CREB3L2: variants seen among roughly 807,000 people sequenced by gnomAD.
The protein encoded by CREB3L2 is cyclic AMP-responsive element-binding protein 3-like protein 2.
CREB3L2 carries 23 observed loss-of-function variants against 57.2 expected under a neutral mutation model. The observed-to-expected ratio is 0.40, with a 90% CI of 0.29 to 0.57. CREB3L2 has a LOEUF of 0.57. CREB3L2 is among the 20% of genes least tolerant of loss of function. CREB3L2 has a pLI of 0.42. For synonymous variants in CREB3L2, 268 were observed against 265.1 expected (o/e 1.01, Z -0.11); for missense variants, 628 against 634.7 (o/e 0.99, Z 0.11).
chr7:137,910,143 T>C (rs570223479), intron 4 of CREB3L2, among the ~76,000 whole-genome samples: 2 of 152,096 alleles, frequency 1.3e-5, no homozygotes, highest in Non-Finnish European at 2.9e-5. Flanking sequence ...TCAGCATCTC[T>C]CTCCTGCAGG....
In CREB3L2 at chr7:137,876,757, A is replaced by G; in HGVS notation, c.*3719T>C. ...AGCAAGCAGAAGTGCTGGTGTCTTT[A>G]ACCCAGGTTTCTTAAAGACTGGCTT... On this transcript the variant is annotated 3_prime_UTR_variant, in exon 12 of 12. Coordinates refer to ENST00000330387, the MANE Select transcript of CREB3L2 (RefSeq NM_194071.4). 4.3e-6 allele frequency: 1 copy of G among 232,310 alleles called. No individual in the cohort carries two copies. The highest frequency in any genetic ancestry group is 6.1e-5 in the East Asian group (1 of 16,432). 14.4% of individuals were successfully genotyped at this position (232,310 alleles called of 1,614,324 possible). A position where few individuals can be genotyped will look rare whatever the true frequency, so the allele number is the denominator to read the frequency against.
At chr7:137,982,069 T>A (rs1164040000) in intron 1 of CREB3L2, among the ~76,000 whole-genome samples, 1 of 152,168 alleles carries the variant, frequency 6.6e-6, no homozygotes, top group Non-Finnish European at 1.5e-5. Context: ...TGGACACCAG[T>A]GTGCACAGAC....
In CREB3L2 at chr7:137,877,372, G is replaced by C. The variant is rs1361523646; in HGVS notation, c.*3104C>G. The C allele has an allele frequency of 4.4e-6, 1 of 226,276 alleles. No individual in the cohort carries two copies. Among genetic ancestry groups the C allele is most frequent in the Non-Finnish European group, 8.8e-6 (1 of 113,790 alleles). The allele number at this position is 226,276 out of a possible 1,614,324, so 14.0% of individuals were successfully genotyped here. A position where few individuals can be genotyped will look rare whatever the true frequency, so the allele number is the denominator to read the frequency against. ...AAAAGAGCAACCTAGTTCAGCTGTC[G>C]GATTTTTATATAACACTCTCTTTAT... On this transcript the variant is annotated 3_prime_UTR_variant, in exon 12 of 12. Coordinates refer to ENST00000330387, the MANE Select transcript of CREB3L2 (RefSeq NM_194071.4).
intron 3 of CREB3L2, 56 bp from the exon 4 acceptor site, chr7:137,913,134 C>G (rs1312043506): frequency 5.8e-6 from 9 of 1,547,466 alleles, no homozygotes; most frequent in Non-Finnish European, 7.0e-6. Context: ...CTTGAAGACA[C>G]ATGCAGGAGA....
Position 137,885,426 on chromosome 7 carries a change from T to C in CREB3L2, c.1120A>G (p.Thr374Ala). Residue 374 changes from threonine to alanine, a missense_variant, in exon 9 of 12, where the codon ACG (threonine) becomes GCG (alanine). Thr to Ala is a moderately conservative substitution (Grantham distance 58, BLOSUM62 0). Around this residue, in one of 3 missense-constraint regions of CREB3L2, gnomAD observed 272 missense variants for 242.7 expected, o/e 1.12. Coordinates refer to ENST00000330387, the MANE Select transcript of CREB3L2 (RefSeq NM_194071.4). The stretch of plus-strand genomic sequence containing the variant: ...ACCATGAGGCAGGTGCCAGTCTGCG[T>C]GCCAGCTAACTTGCAGGTTCGAGAA... ...KVSRTCKLAG[T>A]QTGTCLMVVV... 1 of 1,614,174 alleles carries C rather than the reference T, an allele frequency of 6.2e-7. No homozygotes were observed. The highest frequency in any genetic ancestry group is 8.5e-7 in the Non-Finnish European group (1 of 1,180,006).
chr7:137,908,399 C>G lies in CREB3L2; in HGVS notation c.621G>C (p.Pro207=). 7.9e-7 allele frequency: 1 copy of G among 1,265,032 alleles called. No individual in the cohort carries two copies. The allele number at this position is 1,265,032 out of a possible 1,614,324, so 78.4% of individuals were successfully genotyped here. ...VDHLHLPPTP[P]SSHGSDSEGS... ...CCTCTGAGTCACTGCCGTGACTGCT[C>G]GGAGGGGTGGGCGGCAAATGCAGGT... The change falls in exon 5 of 12, where the codon CCG becomes CCC. Residue 207 remains proline (P), a synonymous_variant. Coordinates refer to ENST00000330387, the MANE Select transcript of CREB3L2 (RefSeq NM_194071.4).
chr7:137,880,527 A>G lies in CREB3L2; in HGVS notation c.1512T>C (p.Asn504=), dbSNP rs1799273194. 6.2e-7 allele frequency: 1 copy of G among 1,613,940 alleles called. No homozygotes were observed. The highest frequency in any genetic ancestry group is 8.5e-7 in the Non-Finnish European group (1 of 1,179,902). The change falls in exon 12 of 12, where the codon AAT becomes AAC. Residue 504 remains asparagine, a synonymous_variant. Transcript: ENST00000330387. The surrounding 1 kb of genome is among the most constrained non-coding windows in gnomAD (Gnocchi z 4.0). ...CGAGTTCTACAACTTTTAGTGTTTC[A>G]TTCCCCTCCAGTTTGGCGCTGACCC... ...QHLVSAKLEG[N]ETLKVVELDR... is the part of the protein sequence containing the mutation.
intron 2 of CREB3L2, 96 bp from the exon 3 acceptor site, chr7:137,916,108 A>G: frequency 1.1e-6 from 1 of 910,884 alleles, no homozygotes; most frequent in Middle Eastern, 2.6e-4. Context: ...AAAAAAGCTC[A>G]GTGAAGGATG....
chr7:137,948,648 C>T (rs17169458), intron 1 of CREB3L2, among the ~76,000 whole-genome samples: 2,647 of 152,224 alleles, frequency 0.017, 87 homozygotes, highest in African/African-American at 0.061. Flanking sequence ...TATTCAAAAG[C>T]GTGCTGGGCT....
At chr7:137,956,501 GCTCT>G in intron 1 of CREB3L2, 1 of 581,000 alleles carries the variant, frequency 1.7e-6, no homozygotes, top group Non-Finnish European at 2.8e-6. Flanking sequence ...TCAAATCTGA[GCTCT>G]CTCTTATTCA....
At chr7:137,894,188 G>C (rs1799574837) in intron 8 of CREB3L2, among the ~76,000 whole-genome samples, 1 of 152,178 alleles carries the variant, frequency 6.6e-6, no homozygotes, top group Admixed American at 6.5e-5. Context: ...GCAAGAAGCA[G>C]GTTTACTGAT....
At chr7:137,907,352 A>C (rs535915812) in intron 5 of CREB3L2, among the ~76,000 whole-genome samples, 4 of 152,332 alleles carry the variant, frequency 2.6e-5, no homozygotes, top group African/African-American at 4.8e-5. Context: ...ATAGTAGTAC[A>C]CACAGGTATA....
intron 1 of CREB3L2, among the ~76,000 whole-genome samples, chr7:137,960,739 A>G (rs535297859): frequency 4.0e-5 from 6 of 148,318 alleles, no homozygotes; most frequent in Non-Finnish European, 8.9e-5. Context: ...CACGTGTTTT[A>G]TTTCATTTAA....
Position 137,878,059 on chromosome 7 carries a change from T to C in CREB3L2, c.*2417A>G, listed in dbSNP as rs1563234043. 4.4e-6 allele frequency: 1 copy of C among 229,346 alleles called. No homozygotes were observed. The highest frequency in any genetic ancestry group is 8.6e-6 in the Non-Finnish European group (1 of 115,842). The allele number at this position is 229,346 out of a possible 1,614,324, so 14.2% of individuals were successfully genotyped here. Reference sequence around the variant, plus strand: ...TCTGAGCTCTCTGCCTAACGTCCCATTGTCTACATAGATTCCGTTTTGGAA... The same window carrying C: ...TCTGAGCTCTCTGCCTAACGTCCCACTGTCTACATAGATTCCGTTTTGGAA... On this transcript the variant is annotated 3_prime_UTR_variant, in exon 12 of 12. Transcript: ENST00000330387.
At chr7:137,882,716 C>T in intron 10 of CREB3L2, 88 bp from the exon 11 acceptor site, 1 of 903,628 alleles carries the variant, frequency 1.1e-6, no homozygotes, top group Non-Finnish European at 1.6e-6. Flanking sequence ...GGGCTGGTGG[C>T]AGATGACAAT....
At chr7:137,888,803 TCA>T in intron 8 of CREB3L2, among the ~76,000 whole-genome samples, 1 of 152,050 alleles carries the variant, frequency 6.6e-6, no homozygotes, top group Non-Finnish European at 1.5e-5. Flanking sequence ...CCTGGGCACC[TCA>T]GTTTTCCACT....
chr7:137,888,300 A>G (rs1233566702), intron 8 of CREB3L2, among the ~76,000 whole-genome samples: 1 of 149,490 alleles, frequency 6.7e-6, no homozygotes, highest in African/African-American at 2.4e-5. Context: ...TGTTTACTTA[A>G]TGCTGAGAAA....
At chr7:137,941,106 C>G (rs578156717) in intron 1 of CREB3L2, among the ~76,000 whole-genome samples, 5 of 152,188 alleles carry the variant, frequency 3.3e-5, no homozygotes, top group Non-Finnish European at 7.3e-5. Flanking sequence ...CTTTGAAACC[C>G]TTGTGTTATG....
At chr7:137,890,292 T>C (rs1799506290) in intron 8 of CREB3L2, among the ~76,000 whole-genome samples, 1 of 152,168 alleles carries the variant, frequency 6.6e-6, no homozygotes, top group Admixed American at 6.5e-5. Flanking sequence ...AGATAATAGA[T>C]AAAAGAATCA....
Sources: gnomAD v4.1 joint callset for allele counts (sites outside exome capture counted in the v4.1 genomes callset) on GRCh38, gnomAD v4.1.1 for gene constraint, gnomAD v4.1.1 regional missense constraint, Gnocchi (gnomAD v3.1) non-coding constraint, MANE v1.5 for transcripts, NCBI Gene and HGNC (gene_info 2026-07-23, HGNC 2026-07-21) for gene names.